The following GULP1 variants were observed in gnomAD, a reference collection of about 807,000 sequenced individuals.
GULP1 encodes the protein GULP PTB domain containing engulfment adaptor 1, also known as PTB domain-containing engulfment adapter protein 1.
A neutral mutation model predicts 40.9 loss-of-function variants in GULP1; 19 were observed. That is an observed-to-expected ratio of 0.46 (90% CI 0.32 to 0.68). The LOEUF (loss-of-function observed/expected upper bound fraction) is 0.68, where lower values mean the gene tolerates loss of function less well. Ranked by LOEUF, GULP1 falls within the 30% of genes least tolerant of loss-of-function variation. The pLI is 0.03. For synonymous variants in GULP1, 119 were observed against 117.6 expected, an observed-to-expected ratio of 1.01 and a Z score of -0.08; for missense variants, 312 against 362.2, an observed-to-expected ratio of 0.86 and a Z score of 1.12.
At chr2:188,464,703 G>A (rs901629203) in intron 2 of GULP1, among the ~76,000 whole-genome samples, 6 of 152,162 alleles carry the variant, frequency 3.9e-5, no homozygotes, top group African/African-American at 1.4e-4. Context: ...CTGTGGTTAA[G>A]CTGGCAACTC....
intron 4 of GULP1, among the ~76,000 whole-genome samples, chr2:188,512,495 C>G (rs1002736783): frequency 2.6e-5 from 4 of 151,970 alleles, no homozygotes; most frequent in Non-Finnish European, 5.9e-5. Context: ...ATGTTAAATA[C>G]TGTCAAATTT....
At chr2:188,403,361 A>G (rs1393882209) in intron 2 of GULP1, among the ~76,000 whole-genome samples, 1 of 152,160 alleles carries the variant, frequency 6.6e-6, no homozygotes, top group Non-Finnish European at 1.5e-5. Flanking sequence ...ACATAAATAT[A>G]TTGTTACGTG....
intron 2 of GULP1, among the ~76,000 whole-genome samples, chr2:188,446,218 C>T (rs923182063): frequency 2.0e-5 from 3 of 152,176 alleles, no homozygotes; most frequent in African/African-American, 7.2e-5. Flanking sequence ...ATAGAGACAG[C>T]CAACTTGTGA....
At chr2:188,452,724 T>C (rs1030093332) in intron 2 of GULP1, among the ~76,000 whole-genome samples, 1 of 152,182 alleles carries the variant, frequency 6.6e-6, no homozygotes, top group Non-Finnish European at 1.5e-5. Context: ...CATTTTGGGG[T>C]ACTACATGAC....
In GULP1 at chr2:188,379,683, T is replaced by C. The variant is rs114553907; in HGVS notation, c.-171-4080T>C. 2.5e-3 allele frequency among the ~76,000 whole-genome samples: 382 copies of C among 152,346 alleles called. 1 individual carries two copies. Among genetic ancestry groups the C allele is most frequent in the African/African-American group, 8.8e-3 (367 of 41,580 alleles). On this transcript the variant is annotated intron_variant, in intron 1 of 11. Transcript: ENST00000409830. ...CATCACCTTTAGGGTAAAATACAAA[T>C]GTTATAACATGGCAGTCAGGAGCCT...
At chr2:188,475,760 T>C (rs1168402685) in intron 2 of GULP1, among the ~76,000 whole-genome samples, 2 of 152,154 alleles carry the variant, frequency 1.3e-5, no homozygotes, top group East Asian at 3.9e-4. Context: ...ACCAGGTCTG[T>C]TAAGATATAG....
intron 1 of GULP1, among the ~76,000 whole-genome samples, chr2:188,339,803 A>G (rs1304389963): frequency 1.3e-5 from 2 of 152,230 alleles, no homozygotes; most frequent in Non-Finnish European, 2.9e-5. Flanking sequence ...TGTTAGTTTA[A>G]TGTAACCCTG....
In GULP1 at chr2:188,538,552, A is replaced by G. The variant is rs547124448; in HGVS notation, c.262-2629A>G. Reference sequence around the variant, plus strand: ...ATATAGAGTATATGACTATTTACCCATATATATAAAGTACCATTTCTTGAA... The same window carrying G: ...ATATAGAGTATATGACTATTTACCCGTATATATAAAGTACCATTTCTTGAA... On this transcript the variant is annotated intron_variant, in intron 6 of 11. Transcript: ENST00000409830. 3.5e-4 allele frequency among the ~76,000 whole-genome samples: 54 copies of G among 152,200 alleles called. No homozygotes were observed. In the East Asian group the frequency reaches 5.4e-3, roughly 15 times the overall value.
At chr2:188,530,771 G>C (rs182382028) in intron 6 of GULP1, among the ~76,000 whole-genome samples, 1 of 152,222 alleles carries the variant, frequency 6.6e-6, no homozygotes, top group East Asian at 1.9e-4. Context: ...GTTATGGCAG[G>C]CTTAGTAAAC....
At chr2:188,502,490 A>T (rs1372282474) in intron 4 of GULP1, among the ~76,000 whole-genome samples, 1 of 151,826 alleles carries the variant, frequency 6.6e-6, no homozygotes, top group Non-Finnish European at 1.5e-5. Flanking sequence ...CCACTTCTGG[A>T]TATTAACTAT....
At chr2:188,508,994 G>A (rs952005279) in intron 4 of GULP1, among the ~76,000 whole-genome samples, 1 of 152,022 alleles carries the variant, frequency 6.6e-6, no homozygotes, top group Non-Finnish European at 1.5e-5. Context: ...CTAGCAAGCA[G>A]CAGAGCCAGA....
At position 188,477,668 on chromosome 2, in the gene GULP1, C is replaced by T. The variant is rs200628153; in HGVS notation, c.-35C>T. On this transcript the variant is annotated 5_prime_UTR_variant, in exon 3 of 12. Coordinates refer to ENST00000409830, the MANE Select transcript of GULP1 (RefSeq NM_016315.4). ...TTTGTCACTTTTACAGGATTTAAGTCGTGGAACTGAACATTTATTTGGCTG... is the reference window on the plus strand; with the variant it reads ...TTTGTCACTTTTACAGGATTTAAGTTGTGGAACTGAACATTTATTTGGCTG... 612 of 1,563,668 alleles carry T rather than the reference C, an allele frequency of 3.9e-4. 1 individual carries two copies. Among genetic ancestry groups the T allele is most frequent in the Non-Finnish European group, 3.4e-4 (393 of 1,146,760 alleles).
chr2:188,398,193 C>T (rs2051567059), intron 2 of GULP1, among the ~76,000 whole-genome samples: 2 of 152,144 alleles, frequency 1.3e-5, no homozygotes, highest in Non-Finnish European at 2.9e-5. Context: ...AAGCAAGGAA[C>T]AAAATTTCTA....
chr2:188,579,797 T>C (rs1266499699), intron 9 of GULP1, among the ~76,000 whole-genome samples: 1 of 152,178 alleles, frequency 6.6e-6, no homozygotes, highest in African/African-American at 2.4e-5. Flanking sequence ...GAAGTAGTAC[T>C]ATGAGAATAC....
At chr2:188,465,123 C>T (rs971439045) in intron 2 of GULP1, among the ~76,000 whole-genome samples, 2 of 151,952 alleles carry the variant, frequency 1.3e-5, no homozygotes, top group African/African-American at 4.8e-5. Flanking sequence ...CTGAGTCTCA[C>T]CTGAAGCCAG....
Position 188,520,455 on chromosome 2 carries a change from A to G in GULP1, c.91-2301A>G, listed in dbSNP as rs575196492. On this transcript the variant is annotated intron_variant, in intron 4 of 11. Coordinates refer to ENST00000409830, the MANE Select transcript of GULP1 (RefSeq NM_016315.4). The stretch of plus-strand genomic sequence containing the variant: ...TGAGGCAGAAGAATCGCTTGAACCA[A>G]GGGGTTGAAAGTTGCAGTGAGCCGA... Among the ~76,000 whole-genome samples, 90 of 151,338 alleles carry G rather than the reference A, an allele frequency of 5.9e-4. 1 individual carries two copies. Among genetic ancestry groups the G allele is most frequent in the Non-Finnish European group, 1.2e-3 (79 of 67,826 alleles).
At chr2:188,451,763 T>C (rs1258249409) in intron 2 of GULP1, among the ~76,000 whole-genome samples, 3 of 151,654 alleles carry the variant, frequency 2.0e-5, no homozygotes, top group East Asian at 3.9e-4. Context: ...CCCTGCCAGA[T>C]TATACTAGGA....
At chr2:188,583,634 A>T (rs1190622031) in intron 9 of GULP1, among the ~76,000 whole-genome samples, 1 of 152,210 alleles carries the variant, frequency 6.6e-6, no homozygotes, top group Non-Finnish European at 1.5e-5. Flanking sequence ...TGATTTGGGC[A>T]GTACACTGGC....
intron 1 of GULP1, among the ~76,000 whole-genome samples, chr2:188,320,072 A>G (rs999884392): frequency 6.6e-6 from 1 of 152,120 alleles, no homozygotes. Context: ...TGATAAGGCA[A>G]AATGTCTCTA....
Sources: allele counts gnomAD v4.1 joint callset (sites outside exome capture counted in the v4.1 genomes callset), GRCh38; gene constraint gnomAD v4.1.1; transcripts MANE v1.5; gene names NCBI Gene and HGNC (gene_info 2026-07-23, HGNC 2026-07-21).